The following DCLK1 variants were observed in gnomAD, a reference collection of about 807,000 sequenced individuals.
DCLK1 encodes the protein doublecortin like kinase 1.
Under a neutral mutation model 86.2 loss-of-function variants are expected in DCLK1, and 16 were observed. The ratio of observed to expected loss-of-function variants is 0.19; its 90% confidence interval spans 0.13 to 0.28. DCLK1 has a LOEUF of 0.28. Ranked by LOEUF, DCLK1 falls within the 10% of genes least tolerant of loss-of-function variation. The probability of loss-of-function intolerance (pLI) is 1.00; values close to 1 mark genes in which losing one functional copy is unlikely to be tolerated. For missense variants in DCLK1, 590 were observed against 940.2 expected (o/e 0.63, Z 4.87); for synonymous variants, 369 against 370.5 (o/e 1.00, Z 0.05).
intron 3 of DCLK1, among the ~76,000 whole-genome samples, chr13:36,086,805 C>CT (rs1884625194): frequency 1.3e-5 from 2 of 152,220 alleles, no homozygotes; most frequent in African/African-American, 2.4e-5. Flanking sequence ...TGAACTCACT[C>CT]TTTTTTATGG....
At chr13:35,934,539 C>T (rs905130605) in intron 4 of DCLK1, among the ~76,000 whole-genome samples, 2 of 152,160 alleles carry the variant, frequency 1.3e-5, no homozygotes, top group South Asian at 2.1e-4. Context: ...AGCAGAAACC[C>T]CTGGTAAAAC....
chr13:35,817,017 TAACTGTTATCC>T (rs746195842), intron 11 of DCLK1, among the ~76,000 whole-genome samples: 1 of 152,204 alleles, frequency 6.6e-6, no homozygotes, highest in Non-Finnish European at 1.5e-5. Context: ...ACATATGAGA[TAACTGTTATCC>T]TCTTAACTTT....
intron 3 of DCLK1, among the ~76,000 whole-genome samples, chr13:35,988,970 C>T (rs552743071): frequency 6.6e-6 from 1 of 152,238 alleles, no homozygotes; most frequent in South Asian, 2.1e-4. Flanking sequence ...ATCTAAACAA[C>T]CATTGGAAAT....
intron 14 of DCLK1, among the ~76,000 whole-genome samples, chr13:35,806,539 A>G (rs1593609599): frequency 6.6e-6 from 1 of 152,320 alleles, no homozygotes; most frequent in African/African-American, 2.4e-5. Context: ...CATGTCACAA[A>G]ATGGTTAGAT....
chr13:36,017,958 G>C (rs1333355269), intron 3 of DCLK1, among the ~76,000 whole-genome samples: 2 of 152,140 alleles, frequency 1.3e-5, no homozygotes, highest in Admixed American at 6.5e-5. Flanking sequence ...AAGCACATGA[G>C]GTCAGTTCTA....
intron 6 of DCLK1, chr13:35,846,010 A>G: frequency 5.1e-6 from 5 of 985,452 alleles, no homozygotes; most frequent in Non-Finnish European, 6.0e-6. Context: ...AACATTTTAC[A>G]ATGAAACCAC....
At chr13:35,871,639 C>T (rs1199880588) in intron 4 of DCLK1, among the ~76,000 whole-genome samples, 1 of 151,468 alleles carries the variant, frequency 6.6e-6, no homozygotes, top group African/African-American at 2.5e-5. Flanking sequence ...TGTTGGGTTT[C>T]TCTCTACTCA....
intron 15 of DCLK1, among the ~76,000 whole-genome samples, chr13:35,804,413 C>T (rs1406667290): frequency 6.6e-6 from 1 of 151,788 alleles, no homozygotes; most frequent in Non-Finnish European, 1.5e-5. Flanking sequence ...GGATTACAGG[C>T]ATGAGTCACT....
chr13:35,843,152 C>A (rs1218260408), intron 6 of DCLK1, among the ~76,000 whole-genome samples: 1 of 152,092 alleles, frequency 6.6e-6, no homozygotes, highest in African/African-American at 2.4e-5. Context: ...GCAGATAAAC[C>A]ATTTTATAGT....
intron 3 of DCLK1, among the ~76,000 whole-genome samples, chr13:36,023,388 G>A (rs1432050795): frequency 1.3e-5 from 2 of 152,150 alleles, no homozygotes; most frequent in African/African-American, 2.4e-5. Flanking sequence ...CCAAAGACCA[G>A]CAGAAAGAGA....
Position 35,847,080 on chromosome 13 carries a change from C to T in DCLK1, c.1035+7419G>A, listed in dbSNP as rs549408392. On this transcript the variant is annotated intron_variant, in intron 6 of 16. Coordinates refer to ENST00000360631, the MANE Select transcript of DCLK1 (RefSeq NM_001330071.2). The stretch of plus-strand genomic sequence containing the variant: ...AACCACTACAAGCCATCCATACACA[C>T]ACAATAGAAAAAAATCATAGTATTC... 5.1e-5 allele frequency: 50 copies of T among 983,940 alleles called. No individual in the cohort carries two copies. The South Asian group carries it at 2.1e-3, about 41-fold the overall frequency. The allele number at this position is 983,940 out of a possible 1,614,324, so 61.0% of individuals were successfully genotyped here.
chr13:35,782,428 C>T lies in DCLK1; in HGVS notation c.2059-7729G>A, dbSNP rs2086544333. On this transcript the variant is annotated intron_variant, in intron 16 of 16. Coordinates refer to ENST00000360631, the MANE Select transcript of DCLK1 (RefSeq NM_001330071.2). ...GTAAACTAAACATGAACCAAAAGCA[C>T]AGTCTGCCTTAAGAAAATCTATGAA... Among the ~76,000 whole-genome samples, 4 of 152,206 alleles carry T rather than the reference C, an allele frequency of 2.6e-5. No homozygotes were observed. In the South Asian group the frequency reaches 8.3e-4, roughly 32 times the overall value.
At chr13:35,904,935 C>G (rs1874597568) in intron 4 of DCLK1, among the ~76,000 whole-genome samples, 1 of 152,226 alleles carries the variant, frequency 6.6e-6, no homozygotes, top group African/African-American at 2.4e-5. Flanking sequence ...TCCTCCATGA[C>G]AGTTGTCACA....
intron 1 of DCLK1, among the ~76,000 whole-genome samples, chr13:36,127,232 A>C (rs1886219638): frequency 6.6e-6 from 1 of 152,238 alleles, no homozygotes; most frequent in Non-Finnish European, 1.5e-5. Flanking sequence ...ATATTTTTAA[A>C]AGCAAATTCA....
intron 3 of DCLK1, among the ~76,000 whole-genome samples, chr13:36,000,172 C>A (rs1285895814): frequency 2.0e-5 from 3 of 152,168 alleles, no homozygotes; most frequent in Non-Finnish European, 2.9e-5. Context: ...AAACCCCACA[C>A]AATCTAAGAG....
At chr13:35,974,886 T>A (rs1879254990) in intron 3 of DCLK1, among the ~76,000 whole-genome samples, 1 of 152,192 alleles carries the variant, frequency 6.6e-6, no homozygotes, top group Admixed American at 6.5e-5. Context: ...ATTTGTTGTT[T>A]AAGCCACCCA....
At chr13:35,992,733 C>T (rs1880291279) in intron 3 of DCLK1, among the ~76,000 whole-genome samples, 1 of 152,152 alleles carries the variant, frequency 6.6e-6, no homozygotes, top group Non-Finnish European at 1.5e-5. Flanking sequence ...CTGTCCTGAC[C>T]AGTGTAGCAT....
At chr13:35,923,051 T>C (rs1875888594) in intron 4 of DCLK1, among the ~76,000 whole-genome samples, 1 of 152,174 alleles carries the variant, frequency 6.6e-6, no homozygotes, top group South Asian at 2.1e-4. Flanking sequence ...ATCAGAACTT[T>C]AAAGAATTGG....
intron 9 of DCLK1, among the ~76,000 whole-genome samples, 184 bp from the exon 10 acceptor site, chr13:35,827,938 A>G (rs1056510259): frequency 3.9e-5 from 6 of 152,208 alleles, no homozygotes; most frequent in Admixed American, 2.0e-4. Context: ...AGATCCTTAC[A>G]TAATGCTTGC....
Sources: allele counts gnomAD v4.1 joint callset (sites outside exome capture counted in the v4.1 genomes callset), GRCh38; gene constraint gnomAD v4.1.1; transcripts MANE v1.5; gene names NCBI Gene and HGNC (gene_info 2026-07-23, HGNC 2026-07-21).